Variants in CABIN1 observed in about 807,000 individuals in gnomAD.
The protein encoded by CABIN1 is calcineurin-binding protein cabin-1.
Under a neutral mutation model 227.7 loss-of-function variants are expected in CABIN1, and 133 were observed. That is an observed-to-expected ratio of 0.58 (90% confidence interval 0.51 to 0.67). The LOEUF is 0.67. CABIN1 is among the 30% of genes least tolerant of loss of function. CABIN1 has a pLI of 0.00. For synonymous variants in CABIN1, 1,086 were observed against 1,155.1 expected (o/e 0.94, Z 1.21); for missense variants, 2,408 against 2,852.5 (o/e 0.84, Z 3.55).
At chr22:24,017,060 G>C (rs952385516) in intron 1 of CABIN1, among the ~76,000 whole-genome samples, 1 of 39,774 alleles carries the variant, frequency 2.5e-5, no homozygotes, top group Admixed American at 3.0e-4. Flanking sequence ...TTTTTTTTTT[G>C]AGATGGAGTC....
intron 6 of CABIN1, among the ~76,000 whole-genome samples, chr22:24,048,273 T>G (rs2038050535): frequency 6.6e-6 from 1 of 152,254 alleles, no homozygotes; most frequent in Non-Finnish European, 1.5e-5. Flanking sequence ...TTTTGTCTCC[T>G]GCTTCTTCCC....
intron 34 of CABIN1, among the ~76,000 whole-genome samples, chr22:24,175,520 G>A (rs561663661): frequency 4.3e-4 from 65 of 152,348 alleles, no homozygotes; most frequent in African/African-American, 1.5e-3. Flanking sequence ...CTGGAGGCCT[G>A]GGAACCGGGG....
At chr22:24,149,571 T>C (rs555111071) in intron 29 of CABIN1, among the ~76,000 whole-genome samples, 94 of 152,260 alleles carry the variant, frequency 6.2e-4, no homozygotes, top group Non-Finnish European at 1.2e-3. Flanking sequence ...GAATTTGATT[T>C]ATTCAAAATA....
At chr22:24,119,233 G>A (rs2043257521) in intron 27 of CABIN1, 134 bp from the exon 28 acceptor site, 2 of 796,942 alleles carry the variant, frequency 2.5e-6, no homozygotes, top group Non-Finnish European at 4.3e-6. Flanking sequence ...GCTGGGTCCA[G>A]CATCCACTCA....
chr22:24,067,597 G>A (rs144534640), intron 16 of CABIN1, among the ~76,000 whole-genome samples: 1 of 152,332 alleles, frequency 6.6e-6, no homozygotes, highest in East Asian at 1.9e-4. Flanking sequence ...ATGTGTTGAA[G>A]AAAAATAACA....
intron 26 of CABIN1, among the ~76,000 whole-genome samples, chr22:24,112,042 A>T (rs777858674): frequency 6.6e-6 from 1 of 152,172 alleles, no homozygotes; most frequent in Non-Finnish European, 1.5e-5. Flanking sequence ...TTTATGAATC[A>T]TATTAATCTT....
Position 24,070,792 on chromosome 22 carries a change from T to G in CABIN1, c.2233-8T>G. 6.2e-7 allele frequency: 1 copy of G among 1,614,186 alleles called. No individual in the cohort carries two copies. The highest frequency in any genetic ancestry group is 8.5e-7 in the Non-Finnish European group (1 of 1,180,020). Reference sequence around the variant, plus strand: ...CCGTGCACTTCACCTGGCTTCTTGCTGTACTAGGACTCCTTGCTCCGGCTG... The same window carrying G: ...CCGTGCACTTCACCTGGCTTCTTGCGGTACTAGGACTCCTTGCTCCGGCTG... On this transcript the variant is annotated splice_polypyrimidine_tract_variant and splice_region_variant and intron_variant, in intron 16 of 36. Coordinates refer to ENST00000263119, the MANE Select transcript of CABIN1 (RefSeq NM_012295.4).
chr22:24,098,498 C>A (rs1406111781), intron 26 of CABIN1, among the ~76,000 whole-genome samples: 2 of 152,132 alleles, frequency 1.3e-5, no homozygotes, highest in Non-Finnish European at 2.9e-5. Flanking sequence ...GACATGACAT[C>A]TACTTTGAAA....
intron 3 of CABIN1, 144 bp downstream of exon 3, chr22:24,036,325 T>A: frequency 1.4e-6 from 1 of 711,760 alleles, no homozygotes; most frequent in Non-Finnish European, 2.6e-6. Context: ...CATCTCCTGT[T>A]AAACCTGTTT....
chr22:24,169,353 G>A (rs1434033588), intron 33 of CABIN1, among the ~76,000 whole-genome samples: 2 of 152,116 alleles, frequency 1.3e-5, no homozygotes, highest in Non-Finnish European at 2.9e-5. Flanking sequence ...TTTGTTCCAG[G>A]TCCCCTAGCA....
intron 19 of CABIN1, among the ~76,000 whole-genome samples, chr22:24,079,015 T>G (rs1353835077): frequency 1.3e-5 from 2 of 152,262 alleles, no homozygotes; most frequent in African/African-American, 4.8e-5. Context: ...TACAGTTACA[T>G]TGATACAAGT....
chr22:24,175,935 T>C (rs1212373244), intron 34 of CABIN1, 176 bp from the exon 35 acceptor site: 1 of 731,204 alleles, frequency 1.4e-6, no homozygotes, highest in East Asian at 2.7e-5. Flanking sequence ...TCTTGGGTGG[T>C]GAGTGGTTTC....
At chr22:24,014,860 T>G (rs2146392976) in intron 1 of CABIN1, among the ~76,000 whole-genome samples, 1 of 152,344 alleles carries the variant, frequency 6.6e-6, no homozygotes, top group African/African-American at 2.4e-5. Flanking sequence ...GATTATCTCG[T>G]GTTTCTTTCG....
At chr22:24,082,205 T>G (rs961024051) in intron 19 of CABIN1, among the ~76,000 whole-genome samples, 1 of 151,422 alleles carries the variant, frequency 6.6e-6, no homozygotes, top group African/African-American at 2.4e-5. Context: ...TCTTCCTGCC[T>G]TAGCCTCCCA....
At chr22:24,101,216 A>G (rs1293949883) in intron 26 of CABIN1, among the ~76,000 whole-genome samples, 5 of 152,220 alleles carry the variant, frequency 3.3e-5, no homozygotes, top group African/African-American at 1.2e-4. Flanking sequence ...GCCTTCCCAC[A>G]TTGGTATGCC....
At position 24,013,068 on chromosome 22, in the gene CABIN1, C is replaced by CT. The variant is rs34344391; in HGVS notation, c.-75+1713dup. 2.0e-3 allele frequency among the ~76,000 whole-genome samples: 285 copies of CT among 141,466 alleles called. 1 individual carries two copies. The highest frequency in any genetic ancestry group is 6.4e-3 in the Admixed American group (91 of 14,142). The allele number at this position is 141,466 out of a possible 152,430, so 92.8% of individuals were successfully genotyped here. On this transcript the variant is annotated intron_variant, in intron 1 of 36. Coordinates refer to ENST00000263119, the MANE Select transcript of CABIN1 (RefSeq NM_012295.4). ...CAGACACCGCGCCCGGCCTCAATAG[C>CT]TTTTTTTTTTTTAAAAGCTCCTTTT...
chr22:24,113,669 C>T lies in CABIN1; in HGVS notation c.4221C>T (p.Tyr1407=). The part of the protein sequence containing the change: ...TSLLEGSRKS[Y]TEKRLPILSS... ...TACTGGAAGGCTCCAGGAAATCCTA[C>T]ACAGAGAAGAGGCTGCCCATTCTCA... The change falls in exon 27 of 37, where the codon TAC becomes TAT. Residue 1407 remains tyrosine, a synonymous_variant. Coordinates refer to ENST00000263119, the MANE Select transcript of CABIN1 (RefSeq NM_012295.4). 6.2e-7 allele frequency: 1 copy of T among 1,614,138 alleles called. No individual in the cohort carries two copies. The highest frequency in any genetic ancestry group is 8.5e-7 in the Non-Finnish European group (1 of 1,180,042).
intron 23 of CABIN1, among the ~76,000 whole-genome samples, chr22:24,091,138 A>T (rs993311648): frequency 2.0e-5 from 3 of 152,014 alleles, no homozygotes; most frequent in Non-Finnish European, 1.5e-5. Context: ...CACAGAGGAG[A>T]TGGTGGGAAG....
intron 4 of CABIN1, among the ~76,000 whole-genome samples, 160 bp from the exon 5 acceptor site, chr22:24,040,979 A>G (rs1335065072): frequency 6.6e-6 from 1 of 152,194 alleles, no homozygotes; most frequent in Non-Finnish European, 1.5e-5. Context: ...GAGTGGTCTT[A>G]TAAGAACACA....
Sources: allele counts gnomAD v4.1 joint callset (sites outside exome capture counted in the v4.1 genomes callset), GRCh38; gene constraint gnomAD v4.1.1; transcripts MANE v1.5; gene names NCBI Gene and HGNC (gene_info 2026-07-23, HGNC 2026-07-21).